Variants in VSNL1 observed in about 807,000 individuals in gnomAD.
The protein encoded by VSNL1 is visinin-like protein 1.
A neutral mutation model predicts 20.4 loss-of-function variants in VSNL1; 6 were observed. The observed-to-expected ratio is 0.29, with a 90% CI of 0.16 to 0.58. VSNL1 has a LOEUF of 0.58. VSNL1 is among the 20% of genes least tolerant of loss of function. The pLI is 0.90. For missense variants in VSNL1, 100 were observed against 234.5 expected (o/e 0.43, Z 3.75); for synonymous variants, 93 against 86.4 (o/e 1.08, Z -0.42).
At chr2:17,624,995 C>A (rs1344167389) in intron 2 of VSNL1, among the ~76,000 whole-genome samples, 1 of 152,176 alleles carries the variant, frequency 6.6e-6, no homozygotes, top group African/African-American at 2.4e-5. Context: ...ATAATTCCCA[C>A]GTGTTTTGGG....
intron 2 of VSNL1, among the ~76,000 whole-genome samples, chr2:17,607,080 A>G (rs1457397625): frequency 6.6e-6 from 1 of 152,168 alleles, no homozygotes; most frequent in Non-Finnish European, 1.5e-5. Flanking sequence ...CCTGGGCCAC[A>G]TGCTGTGTGG....
At chr2:17,638,145 C>A (rs996602497) in intron 2 of VSNL1, among the ~76,000 whole-genome samples, 1 of 152,144 alleles carries the variant, frequency 6.6e-6, no homozygotes, top group African/African-American at 2.4e-5. Context: ...AGAGTCTATA[C>A]AGCCCCAAGG....
At chr2:17,585,483 T>G (rs1017155998) in intron 1 of VSNL1, among the ~76,000 whole-genome samples, 2 of 152,000 alleles carry the variant, frequency 1.3e-5, no homozygotes, top group South Asian at 4.2e-4. Flanking sequence ...TGTCAGTTGT[T>G]TATAGGATCC....
At chr2:17,636,845 G>A (rs1341776890) in intron 2 of VSNL1, among the ~76,000 whole-genome samples, 1 of 152,148 alleles carries the variant, frequency 6.6e-6, no homozygotes, top group Non-Finnish European at 1.5e-5. Context: ...CTCACAGTAG[G>A]CTTTGTGTTT....
At chr2:17,549,399 C>T (rs866186968) in intron 1 of VSNL1, among the ~76,000 whole-genome samples, 4 of 152,172 alleles carry the variant, frequency 2.6e-5, no homozygotes, top group Admixed American at 2.6e-4. Context: ...TACATACATA[C>T]ACACATACAT....
chr2:17,576,552 G>A (rs1245105359), intron 1 of VSNL1, among the ~76,000 whole-genome samples: 1 of 151,966 alleles, frequency 6.6e-6, no homozygotes, highest in Non-Finnish European at 1.5e-5. Context: ...TTAATATTTT[G>A]TTCATATTCT....
At position 17,601,507 on chromosome 2, in the gene VSNL1, A is replaced by G. The variant is rs1449278851; in HGVS notation, c.162+9271A>G. ...AAAAATCAGCCAGGTATCATGGTGCATGTCTGTAATCCCAACTACTGGGGA... is the reference window on the plus strand; with the variant it reads ...AAAAATCAGCCAGGTATCATGGTGCGTGTCTGTAATCCCAACTACTGGGGA... On this transcript the variant is annotated intron_variant, in intron 2 of 3. Coordinates refer to ENST00000295156, the MANE Select transcript of VSNL1 (RefSeq NM_003385.5). Among the ~76,000 whole-genome samples the G allele has an allele frequency of 2.0e-5, 3 of 151,928 alleles. No homozygotes were observed. The East Asian group carries it at 5.8e-4, about 29-fold the overall frequency.
At chr2:17,588,025 T>C (rs530986164) in intron 1 of VSNL1, among the ~76,000 whole-genome samples, 2 of 152,282 alleles carry the variant, frequency 1.3e-5, no homozygotes, top group Non-Finnish European at 2.9e-5. Context: ...TCAAAGCCCT[T>C]CCACCAGTCC....
At chr2:17,610,784 T>A (rs144842497) in intron 2 of VSNL1, among the ~76,000 whole-genome samples, 2 of 152,142 alleles carry the variant, frequency 1.3e-5, no homozygotes, top group Non-Finnish European at 2.9e-5. Flanking sequence ...TGGCTCTCCA[T>A]CTCCAGGGAA....
intron 1 of VSNL1, among the ~76,000 whole-genome samples, chr2:17,575,510 A>G (rs1664187303): frequency 6.6e-6 from 1 of 152,114 alleles, no homozygotes. Flanking sequence ...AAAATTAAGT[A>G]GATTTCACAA....
Position 17,655,455 on chromosome 2 carries a change from T to TAACACACA in VSNL1, c.*61_*62insAACACACA. ...AATGTTCCATTCAGTCTGCAGCTAT[T>TAACACACA]CACACACACACACACACACACACAC... On this transcript the variant is annotated 3_prime_UTR_variant, in exon 4 of 4. Transcript: ENST00000295156. The surrounding 1 kb of genome is among the most constrained non-coding windows in gnomAD (Gnocchi z 5.2). 1 of 536,124 alleles carries TAACACACA rather than the reference T, an allele frequency of 1.9e-6. No individual in the cohort carries two copies. Among genetic ancestry groups the TAACACACA allele is most frequent in the Non-Finnish European group, 3.3e-6 (1 of 306,254 alleles). 33.2% of individuals were successfully genotyped at this position (536,124 alleles called of 1,614,324 possible).
At chr2:17,608,814 A>G (rs1665013705) in intron 2 of VSNL1, among the ~76,000 whole-genome samples, 1 of 152,212 alleles carries the variant, frequency 6.6e-6, no homozygotes, top group Non-Finnish European at 1.5e-5. Context: ...AAGCTGTCAT[A>G]GATGTCCCAT....
At chr2:17,637,063 C>T (rs1009142998) in intron 2 of VSNL1, among the ~76,000 whole-genome samples, 5 of 152,200 alleles carry the variant, frequency 3.3e-5, no homozygotes, top group African/African-American at 1.2e-4. Context: ...CTTGCTGCCT[C>T]CACCCTCTAG....
intron 1 of VSNL1, among the ~76,000 whole-genome samples, chr2:17,566,778 T>C (rs1423082661): frequency 6.6e-6 from 1 of 152,208 alleles, no homozygotes; most frequent in Non-Finnish European, 1.5e-5. Context: ...GGTTTTAATC[T>C]AACTGAAACG....
Position 17,634,202 on chromosome 2 carries a change from T to C in VSNL1, c.163-15208T>C, listed in dbSNP as rs768960368. ...ATGCGCTCACTCATTGTAACAGCAG[T>C]GTGCAGGCGAGAATCAGGGCTGGCA... On this transcript the variant is annotated intron_variant, in intron 2 of 3. Coordinates refer to ENST00000295156, the MANE Select transcript of VSNL1 (RefSeq NM_003385.5). The surrounding 1 kb of genome is among the most constrained non-coding windows in gnomAD (Gnocchi z 4.3). Among the ~76,000 whole-genome samples the C allele has an allele frequency of 1.3e-5, 2 of 152,116 alleles. No individual in the cohort carries two copies. The highest frequency in any genetic ancestry group is 2.9e-5 in the Non-Finnish European group (2 of 68,024).
At chr2:17,620,817 A>C (rs184428917) in intron 2 of VSNL1, among the ~76,000 whole-genome samples, 1 of 152,382 alleles carries the variant, frequency 6.6e-6, no homozygotes, top group East Asian at 1.9e-4. Context: ...AGTGTAAAAC[A>C]GTACAGACTA....
intron 1 of VSNL1, among the ~76,000 whole-genome samples, chr2:17,570,020 C>T (rs191964788): frequency 3.6e-4 from 55 of 152,266 alleles, no homozygotes; most frequent in South Asian, 2.1e-3. Flanking sequence ...GGATCTTTTC[C>T]GCTCAGTCTA....
At chr2:17,604,464 C>A (rs1206566608) in intron 2 of VSNL1, among the ~76,000 whole-genome samples, 1 of 152,238 alleles carries the variant, frequency 6.6e-6, no homozygotes, top group East Asian at 1.9e-4. Context: ...GAGCTGCCTG[C>A]CCTGAGCCCT....
chr2:17,581,404 T>G (rs563735797), intron 1 of VSNL1, among the ~76,000 whole-genome samples: 7 of 152,372 alleles, frequency 4.6e-5, no homozygotes, highest in Admixed American at 4.6e-4. Context: ...TATCCATCAA[T>G]GTAGATATAC....
Sources: allele counts gnomAD v4.1 joint callset (sites outside exome capture counted in the v4.1 genomes callset), GRCh38; gene constraint gnomAD v4.1.1; non-coding constraint Gnocchi (gnomAD v3.1); transcripts MANE v1.5; gene names NCBI Gene and HGNC (gene_info 2026-07-23, HGNC 2026-07-21).